The following MACROD2 variants were observed in gnomAD, a reference collection of about 807,000 sequenced individuals.
MACROD2 encodes the protein mono-ADP ribosylhydrolase 2.
A neutral mutation model predicts 70.4 loss-of-function variants in MACROD2; 36 were observed. That is an observed-to-expected ratio of 0.51 (90% CI 0.39 to 0.68). MACROD2 has a LOEUF of 0.68. Among genes scored for constraint, MACROD2 ranks in the 30% least tolerant of loss-of-function variants. The pLI, the probability that MACROD2 is intolerant of heterozygous loss-of-function variation, is 0.00. For missense variants in MACROD2, 496 were observed against 538.4 expected (o/e 0.92, Z 0.78); for synonymous variants, 172 against 178.8 (o/e 0.96, Z 0.30).
intron 12 of MACROD2, among the ~76,000 whole-genome samples, chr20:15,955,442 C>A (rs1008001830): frequency 6.6e-6 from 1 of 152,260 alleles, no homozygotes; most frequent in East Asian, 1.9e-4. Flanking sequence ...CTTCTCAGAA[C>A]ATTCTCTAGT....
intron 8 of MACROD2, among the ~76,000 whole-genome samples, chr20:15,583,418 A>G (rs1670303762): frequency 6.6e-6 from 1 of 152,218 alleles, no homozygotes; most frequent in Non-Finnish European, 1.5e-5. Flanking sequence ...AAGATTCATC[A>G]GTGGAGAAAT....
chr20:14,350,089 A>G (rs1470259975), intron 3 of MACROD2, among the ~76,000 whole-genome samples: 1 of 151,958 alleles, frequency 6.6e-6, no homozygotes, highest in African/African-American at 2.4e-5. Context: ...ATAGTACTCC[A>G]TTGTGTATAA....
intron 10 of MACROD2, among the ~76,000 whole-genome samples, chr20:15,910,475 G>A (rs1372634792): frequency 1.3e-5 from 2 of 151,660 alleles, no homozygotes; most frequent in Non-Finnish European, 2.9e-5. Context: ...TTTGATGGTA[G>A]ATGAGGACGT....
At chr20:14,476,470 C>A (rs555915965) in intron 3 of MACROD2, among the ~76,000 whole-genome samples, 1 of 152,288 alleles carries the variant, frequency 6.6e-6, no homozygotes, top group East Asian at 1.9e-4. Context: ...ATTCTCATGC[C>A]TTAGCCTCCC....
chr20:15,032,341 A>G (rs1218384621), intron 5 of MACROD2, among the ~76,000 whole-genome samples: 2 of 152,178 alleles, frequency 1.3e-5, no homozygotes, highest in East Asian at 3.9e-4. Context: ...TCGGCTCCGC[A>G]CGCTGCCCTG....
intron 5 of MACROD2, among the ~76,000 whole-genome samples, chr20:14,951,087 G>A (rs1419174141): frequency 6.6e-6 from 1 of 152,114 alleles, no homozygotes; most frequent in Non-Finnish European, 1.5e-5. Flanking sequence ...TCAGTCAGTT[G>A]GGAATGAGTC....
At chr20:14,606,289 G>GT (rs1568695330) in intron 4 of MACROD2, among the ~76,000 whole-genome samples, 2 of 152,132 alleles carry the variant, frequency 1.3e-5, no homozygotes, top group African/African-American at 4.8e-5. Context: ...TTAGCAAGTA[G>GT]TTTAACTTCC....
chr20:14,486,513 C>CTTTTT (rs71335969), intron 3 of MACROD2, among the ~76,000 whole-genome samples: 2,209 of 97,010 alleles, frequency 0.023, 326 homozygotes, highest in South Asian at 0.06. Flanking sequence ...AAATAGCCAA[C>CTTTTT]TTTTTATTTT....
intron 5 of MACROD2, among the ~76,000 whole-genome samples, chr20:15,056,996 C>T (rs949634589): frequency 5.3e-5 from 8 of 151,968 alleles, no homozygotes; most frequent in African/African-American, 1.7e-4. Context: ...CTGACCAACC[C>T]GAAACAGAAG....
At chr20:15,786,323 A>G (rs188512632) in intron 8 of MACROD2, among the ~76,000 whole-genome samples, 28 of 152,286 alleles carry the variant, frequency 1.8e-4, no homozygotes, top group Non-Finnish European at 3.2e-4. Flanking sequence ...GTTGAGAAAC[A>G]TGATCCTAAT....
intron 5 of MACROD2, among the ~76,000 whole-genome samples, chr20:14,920,265 C>T (rs969321265): frequency 2.6e-5 from 4 of 152,054 alleles, no homozygotes; most frequent in Non-Finnish European, 5.9e-5. Context: ...AAAATACATG[C>T]CCTGTCTTTA....
At chr20:15,861,674 G>GAT (rs1241300625) in intron 8 of MACROD2, among the ~76,000 whole-genome samples, 1 of 152,146 alleles carries the variant, frequency 6.6e-6, no homozygotes, top group African/African-American at 2.4e-5. Context: ...CAGAAAATGT[G>GAT]ATTGTTTATA....
intron 8 of MACROD2, among the ~76,000 whole-genome samples, chr20:15,791,934 A>G (rs911068651): frequency 6.9e-6 from 1 of 145,340 alleles, no homozygotes; most frequent in African/African-American, 2.5e-5. Flanking sequence ...CACAAAGTTC[A>G]TCATGAAAAA....
At chr20:14,282,176 G>T (rs142188386) in intron 3 of MACROD2, among the ~76,000 whole-genome samples, 1 of 151,826 alleles carries the variant, frequency 6.6e-6, no homozygotes, top group South Asian at 2.1e-4. Context: ...AGAAATTCTC[G>T]CCATAGGCAC....
chr20:14,152,581 C>CA (rs2055040248), intron 3 of MACROD2, among the ~76,000 whole-genome samples: 1 of 152,004 alleles, frequency 6.6e-6, no homozygotes, highest in Non-Finnish European at 1.5e-5. Flanking sequence ...TGTGCACCAC[C>CA]ATGCCCGGCT....
intron 3 of MACROD2, among the ~76,000 whole-genome samples, chr20:14,464,246 TC>T (rs2123026290): frequency 6.6e-6 from 1 of 152,224 alleles, no homozygotes; most frequent in East Asian, 1.9e-4. Context: ...TTCAACTTCT[TC>T]CTGGTTTAGT....
intron 3 of MACROD2, among the ~76,000 whole-genome samples, chr20:14,288,829 C>A (rs2082363770): frequency 6.6e-6 from 1 of 152,202 alleles, no homozygotes; most frequent in Non-Finnish European, 1.5e-5. Flanking sequence ...AATCTTAAAA[C>A]ATTTACTGAG....
intron 5 of MACROD2, among the ~76,000 whole-genome samples, chr20:14,825,842 C>A (rs2072895759): frequency 6.6e-6 from 1 of 152,148 alleles, no homozygotes; most frequent in African/African-American, 2.4e-5. Flanking sequence ...TTAAACAGGG[C>A]TCATTATGGA....
At chr20:15,744,962 G>A (rs1167263630) in intron 8 of MACROD2, among the ~76,000 whole-genome samples, 1 of 152,064 alleles carries the variant, frequency 6.6e-6, no homozygotes, top group Admixed American at 6.5e-5. Flanking sequence ...TACAAAAAAA[G>A]ATAAAAACTA....
Sources: allele counts gnomAD v4.1 joint callset (sites outside exome capture counted in the v4.1 genomes callset), GRCh38; gene constraint gnomAD v4.1.1; transcripts MANE v1.5; gene names NCBI Gene and HGNC (gene_info 2026-07-23, HGNC 2026-07-21).